The following CR1 variants were observed in gnomAD, a reference collection of about 807,000 sequenced individuals.
The protein encoded by CR1 is complement receptor type 1.
In CR1, 116 loss-of-function variants were observed where a neutral mutation model predicts 187.3. The observed-to-expected ratio is 0.62, with a 90% CI of 0.53 to 0.72. CR1 has a LOEUF of 0.72. Ranked by LOEUF, CR1 falls within the 30% of genes least tolerant of loss-of-function variation. The pLI, the probability that CR1 is intolerant of heterozygous loss-of-function variation, is 0.00. For missense variants in CR1, 1,731 were observed against 2,110.7 expected (o/e 0.82, Z 3.52); for synonymous variants, 576 against 747.1 (o/e 0.77, Z 3.73).
chr1:207,575,472 A>C, intron 27 of CR1, 123 bp from the exon 28 acceptor site: 7 of 1,199,266 alleles, frequency 5.8e-6, no homozygotes, highest in Non-Finnish European at 8.6e-6. Context: ...AACAATAGGT[A>C]AAGTTTAGGC....
chr1:207,614,535 G>A (rs1016988830), intron 40 of CR1, 46 bp downstream of exon 40: 20 of 1,518,558 alleles, frequency 1.3e-5, no homozygotes, highest in African/African-American at 1.1e-4. Context: ...CCTTATTTTC[G>A]TTTTCCAGCA....
chr1:207,577,974 C>G lies in CR1; in HGVS notation c.4707C>G (p.Asp1569Glu). The change falls in exon 29 of 47, where the codon GAC (aspartate) becomes GAG (glutamate). Residue 1569 changes from aspartate to glutamate, a missense_variant. Around this residue, in one of 5 missense-constraint regions of CR1, gnomAD observed 1,312 missense variants for 1,379.6 expected, o/e 0.95. Coordinates refer to ENST00000367049, the MANE Select transcript of CR1 (RefSeq NM_000651.6). ...GEPSIYCTSN[D>E]DQVGIWSGPA... ...CCTCCATATACTGCACCAGCAATGA[C>G]GATCAAGTGGGCATCTGGAGCGGCC... 1 of 1,611,856 alleles carries G rather than the reference C, an allele frequency of 6.2e-7. No homozygotes were observed. Among genetic ancestry groups the G allele is most frequent in the Non-Finnish European group, 8.5e-7 (1 of 1,179,700 alleles).
At chr1:207,522,275 G>A (rs1292907146) in intron 4 of CR1, among the ~76,000 whole-genome samples, 3 of 152,040 alleles carry the variant, frequency 2.0e-5, no homozygotes, top group Non-Finnish European at 2.9e-5. Context: ...GATTTTCCAG[G>A]GCCACCCACA....
At chr1:207,573,633 C>G (rs1475107921) in intron 27 of CR1, among the ~76,000 whole-genome samples, 1 of 151,798 alleles carries the variant, frequency 6.6e-6, no homozygotes. Context: ...ATATTTGTAA[C>G]AAGATTCAAT....
At chr1:207,625,229 T>G (rs1048643304) in intron 45 of CR1, among the ~76,000 whole-genome samples, 1 of 152,250 alleles carries the variant, frequency 6.6e-6, no homozygotes, top group African/African-American at 2.4e-5. Context: ...ATGTTTTCCA[T>G]CTCGTAAAAC....
At chr1:207,520,725 A>G (rs1433298240) in intron 4 of CR1, among the ~76,000 whole-genome samples, 1 of 152,180 alleles carries the variant, frequency 6.6e-6, no homozygotes, top group Non-Finnish European at 1.5e-5. Flanking sequence ...TCAATTCTAT[A>G]TGAAACTATT....
At position 207,587,521 on chromosome 1, in the gene CR1, G is replaced by T. The variant is rs1661146821; in HGVS notation, c.5666G>T (p.Cys1889Phe). ...TTTGGGAAAATGTTCTCTATCTCCTGCCTAGAAAACTTGGTCTGGTCAAGT... is the reference window on the plus strand; with the variant it reads ...TTTGGGAAAATGTTCTCTATCTCCTTCCTAGAAAACTTGGTCTGGTCAAGT... Reference protein sequence around the residue: ...GYFGKMFSISCLENLVWSSVE... With the variant: ...GYFGKMFSISFLENLVWSSVE... The change falls in exon 34 of 47, where the codon TGC (cysteine) becomes TTC (phenylalanine). Residue 1889 changes from cysteine (C) to phenylalanine (F), a missense_variant. Cys to Phe is a radical substitution (Grantham distance 205). Coordinates refer to ENST00000367049, the MANE Select transcript of CR1 (RefSeq NM_000651.6). 6.2e-7 allele frequency: 1 copy of T among 1,613,922 alleles called. No homozygotes were observed. Among genetic ancestry groups the T allele is most frequent in the Non-Finnish European group, 8.5e-7 (1 of 1,179,828 alleles).
chr1:207,515,144 T>TATATACGTGTAC (rs1558220645), intron 4 of CR1, among the ~76,000 whole-genome samples: 6 of 129,592 alleles, frequency 4.6e-5, no homozygotes, highest in African/African-American at 1.1e-4. Context: ...TATACGTGTA[T>TATATACGTGTAC]ACGTATATAT....
rs879186716 is a variant in CR1 at position 207,501,803 on chromosome 1, C to G, written c.122-4101C>G. Among the ~76,000 whole-genome samples the G allele has an allele frequency of 2.6e-5, 4 of 152,202 alleles. No homozygotes were observed. In the East Asian group the frequency reaches 7.7e-4, roughly 29 times the overall value. Reference sequence around the variant, plus strand: ...TAGGCACTTCACATGGAATCTCTTCCTTTGTCCGGCATCAATGGATAAGAC... The same window carrying G: ...TAGGCACTTCACATGGAATCTCTTCGTTTGTCCGGCATCAATGGATAAGAC... On this transcript the variant is annotated intron_variant, in intron 1 of 46. Transcript: ENST00000367049.
At chr1:207,609,976 A>G (rs969379712) in intron 37 of CR1, among the ~76,000 whole-genome samples, 1 of 152,174 alleles carries the variant, frequency 6.6e-6, no homozygotes, top group South Asian at 2.1e-4. Flanking sequence ...TCTTAGTGAT[A>G]TTAAAGAACT....
chr1:207,581,390 A>ATG (rs1660949624), intron 31 of CR1, among the ~76,000 whole-genome samples: 1 of 150,026 alleles, frequency 6.7e-6, no homozygotes, highest in Non-Finnish European at 1.5e-5. Context: ...ACATATGTAT[A>ATG]TATACATATG....
intron 42 of CR1, 125 bp from the exon 43 acceptor site, chr1:207,619,755 G>A: frequency 1.4e-6 from 1 of 726,060 alleles, no homozygotes; most frequent in South Asian, 1.8e-5. Flanking sequence ...TTAGTAACAT[G>A]TTTAAAAACA....
chr1:207,599,891 AT>A (rs1170600001), intron 35 of CR1, among the ~76,000 whole-genome samples: 2 of 152,230 alleles, frequency 1.3e-5, no homozygotes, highest in Non-Finnish European at 2.9e-5. Context: ...AGGTTATACA[AT>A]TACGTTGTTA....
rs974334703 is a variant in CR1 at position 207,597,041 on chromosome 1, T to C, written c.5810+8267T>C. ...TAGTGATAAAATCTATTATTTTATA[T>C]CAATAAAAATATTGATATAAATTTT... is the stretch of plus-strand genomic sequence containing the variant. On this transcript the variant is annotated intron_variant, in intron 35 of 46. Transcript: ENST00000367049. Among the ~76,000 whole-genome samples the C allele has an allele frequency of 2.0e-5, 3 of 148,988 alleles. No individual in the cohort carries two copies. The South Asian group carries it at 6.2e-4, about 31-fold the overall frequency.
At chr1:207,576,795 G>A (rs772731900) in intron 28 of CR1, among the ~76,000 whole-genome samples, 3 of 152,094 alleles carry the variant, frequency 2.0e-5, no homozygotes, top group African/African-American at 2.4e-5. Context: ...ACTCCAGCCC[G>A]GGCAGCAGAG....
chr1:207,505,871 T>A, intron 1 of CR1, 33 bp from the exon 2 acceptor site: 1 of 1,576,028 alleles, frequency 6.3e-7, no homozygotes, highest in Non-Finnish European at 8.6e-7. Flanking sequence ...ATTTCTCCAT[T>A]AACTTTGATG....
chr1:207,518,157 G>T (rs1387366840), intron 4 of CR1, among the ~76,000 whole-genome samples: 3 of 151,392 alleles, frequency 2.0e-5, no homozygotes, highest in Non-Finnish European at 2.9e-5. Flanking sequence ...TATTATCATT[G>T]TACATAAAAG....
chr1:207,522,651 A>C (rs1180161276), intron 4 of CR1, among the ~76,000 whole-genome samples: 1 of 152,204 alleles, frequency 6.6e-6, no homozygotes, highest in Non-Finnish European at 1.5e-5. Flanking sequence ...AATATTTTTA[A>C]TTCTCCAGTA....
chr1:207,615,203 G>A (rs1009139500), intron 40 of CR1, among the ~76,000 whole-genome samples: 1 of 152,136 alleles, frequency 6.6e-6, no homozygotes, highest in Non-Finnish European at 1.5e-5. Flanking sequence ...GGCTTCCCAT[G>A]TGCCAGGACT....
Sources: gnomAD v4.1 joint callset for allele counts (sites outside exome capture counted in the v4.1 genomes callset) on GRCh38, gnomAD v4.1.1 for gene constraint, gnomAD v4.1.1 regional missense constraint, MANE v1.5 for transcripts, NCBI Gene and HGNC (gene_info 2026-07-23, HGNC 2026-07-21) for gene names.